The following NRXN3 variants were observed in gnomAD, a reference collection of about 807,000 sequenced individuals.
The protein encoded by NRXN3 is neurexin III.
In NRXN3, 32 loss-of-function variants were observed where a neutral mutation model predicts 137.6. The observed-to-expected ratio is 0.23, with a 90% CI of 0.18 to 0.31. NRXN3 has a LOEUF of 0.31. NRXN3 is among the 10% of genes least tolerant of loss of function. NRXN3 has a pLI of 1.00. For synonymous variants in NRXN3, 798 were observed against 784.5 expected (o/e 1.02, Z -0.29); for missense variants, 1,574 against 2,062.5 (o/e 0.76, Z 4.59).
chr14:78,919,353 T>A (rs2099264988), intron 10 of NRXN3, among the ~76,000 whole-genome samples: 2 of 152,326 alleles, frequency 1.3e-5, no homozygotes, highest in Middle Eastern at 3.4e-3. Flanking sequence ...CTTATATTGA[T>A]CGTGTGTCAA....
intron 4 of NRXN3, among the ~76,000 whole-genome samples, chr14:78,522,707 T>A (rs1242771402): frequency 2.0e-5 from 3 of 152,180 alleles, no homozygotes; most frequent in Non-Finnish European, 4.4e-5. Context: ...TATTCTTCTG[T>A]CCACAGCTAT....
chr14:79,384,689 A>G (rs1232291352), intron 15 of NRXN3, among the ~76,000 whole-genome samples: 1 of 152,160 alleles, frequency 6.6e-6, no homozygotes, highest in Non-Finnish European at 1.5e-5. Context: ...GAGATTATTA[A>G]TAACAGGTTT....
At chr14:79,760,443 C>T (rs1311579859) in intron 19 of NRXN3, among the ~76,000 whole-genome samples, 4 of 142,126 alleles carry the variant, frequency 2.8e-5, no homozygotes, top group Non-Finnish European at 4.5e-5. Flanking sequence ...TTTTAAGCCT[C>T]TGTGAGAAAT....
intron 6 of NRXN3, among the ~76,000 whole-genome samples, chr14:78,666,708 C>T (rs2097889683): frequency 6.6e-6 from 1 of 152,172 alleles, no homozygotes. Context: ...ACTGCCTCTC[C>T]CTCTGCCCCC....
intron 19 of NRXN3, among the ~76,000 whole-genome samples, chr14:79,781,968 G>A (rs887576172): frequency 6.6e-6 from 1 of 152,112 alleles, no homozygotes. Flanking sequence ...TAACTGCCTC[G>A]ATGTAGGTGA....
chr14:78,310,643 A>G (rs943792199), intron 4 of NRXN3, among the ~76,000 whole-genome samples: 1 of 152,088 alleles, frequency 6.6e-6, no homozygotes, highest in African/African-American at 2.4e-5. Flanking sequence ...GGAATACTAG[A>G]TCTCCAGGTG....
intron 15 of NRXN3, among the ~76,000 whole-genome samples, chr14:79,228,682 C>T (rs1376932219): frequency 6.6e-6 from 1 of 152,148 alleles, no homozygotes; most frequent in African/African-American, 2.4e-5. Flanking sequence ...TAGTAAAATG[C>T]ATTAGCTATA....
intron 19 of NRXN3, among the ~76,000 whole-genome samples, chr14:79,769,625 G>A (rs927545307): frequency 2.6e-4 from 40 of 151,984 alleles, no homozygotes; most frequent in East Asian, 1.2e-3. Context: ...TGAAGGAAGC[G>A]CTTAACATGG....
intron 19 of NRXN3, among the ~76,000 whole-genome samples, chr14:79,763,055 T>TC (rs1001591853): frequency 6.6e-6 from 1 of 150,786 alleles, no homozygotes; most frequent in African/African-American, 2.5e-5. Context: ...TATGTGATGT[T>TC]CCCCCCTCCC....
intron 4 of NRXN3, among the ~76,000 whole-genome samples, chr14:78,341,362 T>C (rs1056550022): frequency 1.3e-5 from 2 of 152,164 alleles, no homozygotes; most frequent in Non-Finnish European, 2.9e-5. Flanking sequence ...GTGATGCCCA[T>C]GCTGGTCCAT....
intron 11 of NRXN3, among the ~76,000 whole-genome samples, chr14:78,964,357 G>A (rs576287745): frequency 6.6e-6 from 1 of 152,308 alleles, no homozygotes; most frequent in South Asian, 2.1e-4. Context: ...TCAGAACTGG[G>A]CAGACATCCT....
intron 1 of NRXN3, among the ~76,000 whole-genome samples, chr14:78,192,435 C>T (rs566444519): frequency 1.2e-4 from 18 of 152,252 alleles, no homozygotes; most frequent in African/African-American, 3.9e-4. Context: ...TAGCCTCTCT[C>T]CGTTCTGTTT....
At chr14:79,706,459 T>C (rs2098779870) in intron 19 of NRXN3, among the ~76,000 whole-genome samples, 2 of 146,110 alleles carry the variant, frequency 1.4e-5, no homozygotes. Context: ...AGAAAAGGGC[T>C]TGTAGGGTGG....
chr14:78,280,525 C>T lies in NRXN3; in HGVS notation c.727+1863C>T, dbSNP rs1055347006. 5.3e-5 allele frequency among the ~76,000 whole-genome samples: 8 copies of T among 152,128 alleles called. 1 individual carries two copies. Among genetic ancestry groups the T allele is most frequent in the East Asian group, 1.9e-4 (1 of 5,192 alleles). ...GTTTTGTTTGTAAAGTGCCACGTGG[C>T]GGCTTCTCTTTCTGGTTCCCAGCAG... On this transcript the variant is annotated intron_variant, in intron 3 of 20. Transcript: ENST00000335750.
rs1320449914 is a variant in NRXN3 at position 78,934,477 on chromosome 14, G to A, written c.2276-22765G>A. ...CAGATCTCCTCTATGGGCCCAGCAA[G>A]AGTGCTGTTTCTGAGGAAGAAGGCA... is the stretch of plus-strand genomic sequence containing the variant. On this transcript the variant is annotated intron_variant, in intron 10 of 20. Coordinates refer to ENST00000335750, the MANE Select transcript of NRXN3 (RefSeq NM_001330195.2). Among the ~76,000 whole-genome samples, 6 of 152,308 alleles carry A rather than the reference G, an allele frequency of 3.9e-5. No individual in the cohort carries two copies. In the East Asian group the frequency reaches 9.7e-4, roughly 25 times the overall value.
intron 15 of NRXN3, among the ~76,000 whole-genome samples, chr14:79,147,530 G>C (rs12884914): frequency 0.51 from 77,879 of 151,914 alleles, 22,241 homozygotes; most frequent in East Asian, 0.78. Context: ...CTATACTTGA[G>C]GAACCTAGTT....
chr14:79,249,052 T>C (rs1255915354), intron 15 of NRXN3: 1 of 152,218 alleles, frequency 6.6e-6, no homozygotes, highest in African/African-American at 2.4e-5. Flanking sequence ...AGGTTGTACA[T>C]TGACTGTTGT....
intron 15 of NRXN3, among the ~76,000 whole-genome samples, chr14:79,329,414 T>C (rs1222347598): frequency 6.6e-6 from 1 of 152,268 alleles, no homozygotes. Flanking sequence ...CAGGAGAATA[T>C]TAAACCAAGA....
rs540649411 is a variant in NRXN3 at position 79,535,044 on chromosome 14, C to G, written c.3444+67642C>G. Among the ~76,000 whole-genome samples, 7 of 152,228 alleles carry G rather than the reference C, an allele frequency of 4.6e-5. 1 individual carries two copies. In the South Asian group the frequency reaches 1.5e-3, roughly 32 times the overall value. ...CTGTGGAAACTGTCAAAAGTGTCTTCTAGAGCTATTTTTGAGGTCTCTTTT... is the reference window on the plus strand; with the variant it reads ...CTGTGGAAACTGTCAAAAGTGTCTTGTAGAGCTATTTTTGAGGTCTCTTTT... On this transcript the variant is annotated intron_variant, in intron 16 of 20. Transcript: ENST00000335750.
Sources: allele counts gnomAD v4.1 joint callset (sites outside exome capture counted in the v4.1 genomes callset), GRCh38; gene constraint gnomAD v4.1.1; transcripts MANE v1.5; gene names NCBI Gene and HGNC (gene_info 2026-07-23, HGNC 2026-07-21).